Variants in BTNL8 observed in about 807,000 individuals in gnomAD.
BTNL8 encodes butyrophilin like 8.
BTNL8 carries 22 observed loss-of-function variants against 36.1 expected under a neutral mutation model. The ratio of observed to expected loss-of-function variants is 0.61; its 90% confidence interval spans 0.44 to 0.87. BTNL8 has a LOEUF of 0.87. Among genes scored for constraint, BTNL8 ranks in the 40% least tolerant of loss-of-function variants. BTNL8 has a pLI of 0.00. For synonymous variants in BTNL8, 203 were observed against 235.6 expected, an observed-to-expected ratio of 0.86 and a Z score of 1.27; for missense variants, 526 against 616.9, an observed-to-expected ratio of 0.85 and a Z score of 1.56.
intron 3 of BTNL8, among the ~76,000 whole-genome samples, chr5:180,925,281 A>G (rs1385807898): frequency 1.3e-5 from 2 of 152,228 alleles, no homozygotes; most frequent in African/African-American, 4.8e-5. Context: ...GAAACACAAA[A>G]ATATCCAGGT....
chr5:180,911,697 T>C (rs1582019154), intron 3 of BTNL8, 83 bp downstream of exon 3: 1 of 1,325,856 alleles, frequency 7.5e-7, no homozygotes, highest in Admixed American at 2.3e-5. Context: ...CATCTTGGCA[T>C]TGCTGTTTTA....
At chr5:180,933,201 C>T (rs1758486980) in intron 3 of BTNL8, among the ~76,000 whole-genome samples, 1 of 152,072 alleles carries the variant, frequency 6.6e-6, no homozygotes, top group Non-Finnish European at 1.5e-5. Context: ...AACTGCAACA[C>T]AATAGAAGTA....
At chr5:180,941,110 G>GGA (rs1758916958) in intron 3 of BTNL8, among the ~76,000 whole-genome samples, 37 of 126,882 alleles carry the variant, frequency 2.9e-4, no homozygotes, top group African/African-American at 1.1e-3. Flanking sequence ...GGAAGGAAGG[G>GGA]AGGAAGGAAG....
intron 3 of BTNL8, among the ~76,000 whole-genome samples, chr5:180,941,914 T>TTTTTTTTTTTTTTGAGACGG (rs1281454934): frequency 2.0e-5 from 3 of 150,868 alleles, no homozygotes; most frequent in African/African-American, 7.4e-5. Context: ...TTACTACTCT[T>TTTTTTTTTTTTTTGAGACGG]ATTCAACAAA....
intron 3 of BTNL8, among the ~76,000 whole-genome samples, chr5:180,930,514 C>G (rs1758321639): frequency 6.6e-6 from 1 of 152,196 alleles, no homozygotes; most frequent in Non-Finnish European, 1.5e-5. Context: ...GAGAGGAAGT[C>G]AAATTGTCTC....
intron 5 of BTNL8, 81 bp downstream of exon 5, chr5:180,948,456 G>A (rs966213840): frequency 1.7e-5 from 27 of 1,604,066 alleles, no homozygotes; most frequent in East Asian, 2.3e-5. Flanking sequence ...GCCTCTGGAC[G>A]ACCCTGGCTG....
Position 180,950,633 on chromosome 5 carries a change from C to T in BTNL8, c.*89C>T. The stretch of plus-strand genomic sequence containing the variant: ...CGCAGCAGCCGGCCAAGGTGGCTTC[C>T]AGATGAAGGGGGACTGGCCTGTCCA... On this transcript the variant is annotated 3_prime_UTR_variant, in exon 8 of 8. Coordinates refer to ENST00000340184, the MANE Select transcript of BTNL8 (RefSeq NM_001040462.3). The T allele has an allele frequency of 7.6e-7, 1 of 1,308,570 alleles. No individual in the cohort carries two copies. The highest frequency in any genetic ancestry group is 1.1e-6 in the Non-Finnish European group (1 of 949,942). 81.1% of individuals were successfully genotyped at this position (1,308,570 alleles called of 1,614,324 possible). A position where few individuals can be genotyped will look rare whatever the true frequency, so the allele number is the denominator to read the frequency against.
intron 3 of BTNL8, among the ~76,000 whole-genome samples, chr5:180,922,322 G>C (rs1266786922): frequency 6.6e-6 from 1 of 151,926 alleles, no homozygotes; most frequent in Non-Finnish European, 1.5e-5. Flanking sequence ...TTTTGATGTA[G>C]TTGTTTAGTG....
intron 4 of BTNL8, chr5:180,947,895 T>C (rs1759353523): frequency 1.6e-6 from 2 of 1,240,236 alleles, no homozygotes; most frequent in Admixed American, 4.6e-5. Context: ...TGGATAATTT[T>C]CCATGAACAC....
chr5:180,922,252 C>A (rs1332818300), intron 3 of BTNL8, among the ~76,000 whole-genome samples: 1 of 151,860 alleles, frequency 6.6e-6, no homozygotes, highest in Non-Finnish European at 1.5e-5. Context: ...TTGATTTTCT[C>A]TTGGTTCTCT....
chr5:180,926,153 A>G (rs955702058), intron 3 of BTNL8, among the ~76,000 whole-genome samples: 1 of 152,188 alleles, frequency 6.6e-6, no homozygotes, highest in East Asian at 1.9e-4. Context: ...CTGGTTAGAC[A>G]GTGGGTGCAG....
chr5:180,915,793 C>T (rs906679027), intron 3 of BTNL8, among the ~76,000 whole-genome samples: 13 of 152,174 alleles, frequency 8.5e-5, no homozygotes, highest in South Asian at 6.2e-4. Flanking sequence ...ACAATATGAT[C>T]ATCTCAATAG....
rs746794728 is a variant in BTNL8 at position 180,911,398 on chromosome 5, C to T, written c.457C>T (p.Leu153Phe). 5.0e-6 allele frequency: 8 copies of T among 1,614,226 alleles called. No individual in the cohort carries two copies. The highest frequency in any genetic ancestry group is 6.8e-6 in the Non-Finnish European group (8 of 1,180,046). Residue 153 changes from leucine to phenylalanine, a missense_variant, in exon 3 of 8, where the codon CTC (leucine) becomes TTC (phenylalanine). Physicochemically the swap from Leu to Phe is conservative, Grantham distance 22. Transcript: ENST00000340184. The part of the protein sequence containing the change: ...TGYVDRDIQL[L>F]CQSSGWFPRP... Reference sequence around the variant, plus strand: ...ATATGTTGATAGAGACATCCAGCTACTCTGTCAGTCCTCGGGCTGGTTCCC... The same window carrying T: ...ATATGTTGATAGAGACATCCAGCTATTCTGTCAGTCCTCGGGCTGGTTCCC...
chr5:180,929,701 C>G (rs1758278784), intron 3 of BTNL8, among the ~76,000 whole-genome samples: 1 of 152,152 alleles, frequency 6.6e-6, no homozygotes, highest in African/African-American at 2.4e-5. Flanking sequence ...CACAAATAAA[C>G]TAGAAAATCT....
At chr5:180,912,969 T>A (rs1483557752) in intron 3 of BTNL8, among the ~76,000 whole-genome samples, 1 of 152,196 alleles carries the variant, frequency 6.6e-6, no homozygotes, top group Non-Finnish European at 1.5e-5. Flanking sequence ...AAAGCTTCCA[T>A]GAGTGCCCTG....
Position 180,911,611 on chromosome 5 carries a change from G to A in BTNL8, c.670G>A (p.Gly224Arg). ...SREVESRVQI[G>R]DTFFEPISWH... is the part of the protein sequence containing the mutation. ...AGAGGTGGAATCCAGGGTACAGATA[G>A]GAGGTGAGTAGGGAGGGGAGGAGAA... The change falls in exon 3 of 8, where the codon GGA (glycine) becomes AGA (arginine). Residue 224 changes from glycine (G) to arginine (R), a missense_variant. Gly to Arg is a moderately radical substitution (Grantham distance 125). Around this residue, in one of 2 missense-constraint regions of BTNL8, gnomAD observed 350 missense variants for 324.6 expected, o/e 1.08. Coordinates refer to ENST00000340184, the MANE Select transcript of BTNL8 (RefSeq NM_001040462.3). 6.2e-7 allele frequency: 1 copy of A among 1,606,390 alleles called. No individual in the cohort carries two copies. The highest frequency in any genetic ancestry group is 8.5e-7 in the Non-Finnish European group (1 of 1,173,612).
At chr5:180,918,385 A>T (rs1324517165) in intron 3 of BTNL8, among the ~76,000 whole-genome samples, 1 of 152,264 alleles carries the variant, frequency 6.6e-6, no homozygotes, top group Non-Finnish European at 1.5e-5. Flanking sequence ...ATAATATATG[A>T]CATTAACAGA....
chr5:180,939,372 C>T (rs1190981008), intron 3 of BTNL8, among the ~76,000 whole-genome samples: 6 of 150,118 alleles, frequency 4.0e-5, no homozygotes, highest in African/African-American at 1.2e-4. Flanking sequence ...TGGTATTCCA[C>T]ACAAAAGGAA....
At chr5:180,943,196 G>A (rs1426079329) in intron 3 of BTNL8, among the ~76,000 whole-genome samples, 3 of 145,120 alleles carry the variant, frequency 2.1e-5, no homozygotes, top group Non-Finnish European at 4.5e-5. Flanking sequence ...GTGCAATGGC[G>A]CAATCTTGGC....
Sources: allele counts gnomAD v4.1 joint callset (sites outside exome capture counted in the v4.1 genomes callset), GRCh38; gene constraint gnomAD v4.1.1; regional missense constraint gnomAD v4.1.1; transcripts MANE v1.5; gene names NCBI Gene and HGNC (gene_info 2026-07-23, HGNC 2026-07-21).